Variants in PCDHA3 observed in about 807,000 individuals in gnomAD.
PCDHA3 encodes the protein protocadherin alpha-3.
A neutral mutation model predicts 62.2 loss-of-function variants in PCDHA3; 41 were observed. That is an observed-to-expected ratio of 0.66 (90% CI 0.51 to 0.86). PCDHA3 has a LOEUF of 0.86. Among genes scored for constraint, PCDHA3 ranks in the 40% least tolerant of loss-of-function variants. The pLI is 0.00. For missense variants in PCDHA3, 1,304 were observed against 1,241.2 expected, an observed-to-expected ratio of 1.05 and a Z score of -0.76; for synonymous variants, 640 against 555.4, an observed-to-expected ratio of 1.15 and a Z score of -2.14.
At chr5:140,885,737 A>G (rs1347685899) in intron 1 of PCDHA3, among the ~76,000 whole-genome samples, 1 of 152,222 alleles carries the variant, frequency 6.6e-6, no homozygotes, top group South Asian at 2.1e-4. Context: ...ATGATATTTC[A>G]CTGTTACTTT....
intron 1 of PCDHA3, chr5:140,813,487 A>T (rs2126646878): frequency 6.6e-6 from 1 of 152,218 alleles, no homozygotes; most frequent in Non-Finnish European, 1.5e-5. Flanking sequence ...ATATCTAAAC[A>T]TCTAAAAGGT....
At chr5:140,807,948 A>T (rs1046867611) in intron 1 of PCDHA3, 2 of 1,614,124 alleles carry the variant, frequency 1.2e-6, no homozygotes, top group Non-Finnish European at 8.5e-7. Context: ...TTACTAGAAA[A>T]TGTTCCTAAT....
chr5:140,895,670 G>A (rs551602030), intron 1 of PCDHA3, among the ~76,000 whole-genome samples: 2 of 152,132 alleles, frequency 1.3e-5, no homozygotes, highest in African/African-American at 2.4e-5. Context: ...AGAACATGTA[G>A]TATTTGGTTT....
At chr5:140,911,892 G>A (rs2075679347) in intron 1 of PCDHA3, among the ~76,000 whole-genome samples, 1 of 152,176 alleles carries the variant, frequency 6.6e-6, no homozygotes. Flanking sequence ...ACCAAAATCT[G>A]TATTAGTCAG....
At chr5:140,890,136 T>C (rs1297709763) in intron 1 of PCDHA3, among the ~76,000 whole-genome samples, 4 of 152,148 alleles carry the variant, frequency 2.6e-5, no homozygotes, top group Non-Finnish European at 4.4e-5. Flanking sequence ...TAGCTTGAAA[T>C]TGGCCATGGT....
chr5:140,967,053 G>A (rs1563359791), intron 1 of PCDHA3: 4 of 1,612,648 alleles, frequency 2.5e-6, no homozygotes, highest in Non-Finnish European at 3.4e-6. Flanking sequence ...GACCTGACGA[G>A]TGGAGCGCTC....
chr5:140,988,739 G>A (rs2097310931), intron 3 of PCDHA3, among the ~76,000 whole-genome samples: 1 of 152,096 alleles, frequency 6.6e-6, no homozygotes, highest in Non-Finnish European at 1.5e-5. Flanking sequence ...AATTATTCTA[G>A]GATTGGTGGC....
intron 3 of PCDHA3, among the ~76,000 whole-genome samples, chr5:141,000,955 T>G (rs1237087024): frequency 6.6e-6 from 1 of 152,210 alleles, no homozygotes; most frequent in Non-Finnish European, 1.5e-5. Flanking sequence ...CTTGCTGTAA[T>G]TTAAGCCTTC....
At position 140,984,581 on chromosome 5, in the gene PCDHA3, C is replaced by T. The variant is rs141574202; in HGVS notation, c.2542+2018C>T. ...TCCAACTACTCCATGGCAACCTAAT[C>T]ATACTTTTCAATACATACCTCTGCA... On this transcript the variant is annotated intron_variant, in intron 3 of 3. Transcript: ENST00000522353. 4.4e-3 allele frequency among the ~76,000 whole-genome samples: 664 copies of T among 152,272 alleles called. 7 individuals carry two copies. The highest frequency in any genetic ancestry group is 0.013 in the African/African-American group (558 of 41,552).
In PCDHA3 at chr5:140,803,323, G is replaced by C; in HGVS notation, c.2126G>C (p.Ser709Thr). ...YLIVAICAVS[S>T]LLVLTLLLYT... ...ATCGTCGCCATCTGCGCGGTGTCCA[G>C]TCTGTTGGTGCTCACACTGCTGCTA... Residue 709 changes from serine to threonine, a missense_variant, in exon 1 of 4, where the codon AGT (serine) becomes ACT (threonine). Physicochemically the swap from Ser to Thr is moderately conservative, Grantham distance 58. Transcript: ENST00000522353. 1 of 1,614,176 alleles carries C rather than the reference G, an allele frequency of 6.2e-7. No homozygotes were observed. Among genetic ancestry groups the C allele is most frequent in the Non-Finnish European group, 8.5e-7 (1 of 1,179,998 alleles).
chr5:140,988,574 T>C (rs538316418), intron 3 of PCDHA3, among the ~76,000 whole-genome samples: 1 of 152,342 alleles, frequency 6.6e-6, no homozygotes, highest in East Asian at 1.9e-4. Context: ...GAAAACACTC[T>C]GTACCTTCCA....
At chr5:140,988,026 T>A (rs1405610277) in intron 3 of PCDHA3, among the ~76,000 whole-genome samples, 1 of 152,152 alleles carries the variant, frequency 6.6e-6, no homozygotes, top group Non-Finnish European at 1.5e-5. Context: ...GATTCTTAAG[T>A]TTTTTAGAAT....
At chr5:140,885,045 G>T (rs528565062) in intron 1 of PCDHA3, among the ~76,000 whole-genome samples, 3 of 152,238 alleles carry the variant, frequency 2.0e-5, no homozygotes, top group Admixed American at 1.3e-4. Context: ...TTAGTTTAAT[G>T]TATACATATA....
At chr5:140,869,590 G>GAAGA in intron 1 of PCDHA3, 3 of 1,614,102 alleles carry the variant, frequency 1.9e-6, no homozygotes, top group Non-Finnish European at 2.5e-6. Context: ...TGCTGACATT[G>GAAGA]AAGAGAATGC....
chr5:140,824,182 T>A, intron 1 of PCDHA3: 1 of 1,608,398 alleles, frequency 6.2e-7, no homozygotes, highest in South Asian at 1.1e-5. Context: ...AAATATTAAA[T>A]GTCACATTCA....
chr5:140,870,510 A>T, intron 1 of PCDHA3: 1 of 1,614,220 alleles, frequency 6.2e-7, no homozygotes, highest in Non-Finnish European at 8.5e-7. Context: ...ACAACCCACC[A>T]GGCTGCCACA....
chr5:140,932,203 T>C (rs1415160763), intron 1 of PCDHA3, among the ~76,000 whole-genome samples: 1 of 151,924 alleles, frequency 6.6e-6, no homozygotes, highest in Non-Finnish European at 1.5e-5. Context: ...TCTGTTAATA[T>C]TCTTGATGGG....
At chr5:140,898,965 G>A (rs2067069000) in intron 1 of PCDHA3, among the ~76,000 whole-genome samples, 1 of 152,044 alleles carries the variant, frequency 6.6e-6, no homozygotes, top group Non-Finnish European at 1.5e-5. Flanking sequence ...GTGAATGGGA[G>A]TTCACTCATG....
rs1413393487 is a variant in PCDHA3, at chr5:140,941,341, G to T, written c.2395-37608G>T. On this transcript the variant is annotated intron_variant, in intron 1 of 3. Coordinates refer to ENST00000522353, the MANE Select transcript of PCDHA3 (RefSeq NM_018906.3). ...TCTCTTTTTTTTTTTTTTTCAGATG[G>T]AGTCTTGCTCTGTTGCCTAGGCTGG... Among the ~76,000 whole-genome samples the T allele has an allele frequency of 2.5e-5, 3 of 119,500 alleles. No homozygotes were observed. The East Asian group carries it at 8.2e-4, about 33-fold the overall frequency. 78.4% of individuals were successfully genotyped at this position (119,500 alleles called of 152,430 possible).
Sources: gnomAD v4.1 joint callset for allele counts (sites outside exome capture counted in the v4.1 genomes callset) on GRCh38, gnomAD v4.1.1 for gene constraint, MANE v1.5 for transcripts, NCBI Gene and HGNC (gene_info 2026-07-23, HGNC 2026-07-21) for gene names.